Variants in PLIN2 observed in about 807,000 individuals in gnomAD.
The protein encoded by PLIN2 is perilipin-2.
PLIN2 carries 33 observed loss-of-function variants against 30.6 expected under a neutral mutation model. That is an observed-to-expected ratio of 1.08 (90% CI 0.82 to 1.44). The LOEUF (loss-of-function observed/expected upper bound fraction) is 1.44. Among genes scored for constraint, PLIN2 ranks in the 40% most tolerant of loss-of-function variants. PLIN2 has a pLI of 0.00. For synonymous variants in PLIN2, 205 were observed against 201.1 expected (o/e 1.02, Z -0.16); for missense variants, 610 against 531.8 (o/e 1.15, Z -1.45).
At chr9:19,111,585 AT>A (rs1022227573), downstream of PLIN2, among the ~76,000 whole-genome samples, 1 of 148,162 alleles carries the variant, frequency 6.7e-6, no homozygotes, top group Non-Finnish European at 1.5e-5. Context: ...AGTTGACACC[AT>A]TTTTTTTTTC....
At chr9:19,126,546 A>C (rs1274738704) in intron 1 of PLIN2, 98 bp from the exon 2 acceptor site, 2 of 787,842 alleles carry the variant, frequency 2.5e-6, no homozygotes, top group East Asian at 5.0e-5. Flanking sequence ...AGAAAAATGC[A>C]GGGTGAGCTC....
At chr9:19,111,921 T>C (rs1469154275), downstream of PLIN2, among the ~76,000 whole-genome samples, 1 of 152,182 alleles carries the variant, frequency 6.6e-6, no homozygotes, top group African/African-American at 2.4e-5. Flanking sequence ...TTAATACCTA[T>C]AACTGCCTTA....
intron 3 of PLIN2, 175 bp downstream of exon 3, chr9:19,125,936 AAGG>A (rs1301355090): frequency 3.6e-6 from 2 of 551,420 alleles, no homozygotes; most frequent in Non-Finnish European, 3.2e-6. Flanking sequence ...AAAAAAAAAA[AAGG>A]AAAGAAAAGA....
downstream of PLIN2, among the ~76,000 whole-genome samples, chr9:19,112,079 CA>C (rs1471755102): frequency 6.6e-6 from 1 of 152,222 alleles, no homozygotes; most frequent in Non-Finnish European, 1.5e-5. Context: ...CCATCCTCAA[CA>C]CTCACTTCCA....
intron 5 of PLIN2, 39 bp from the exon 6 acceptor site, chr9:19,119,870 C>A: frequency 7.2e-7 from 1 of 1,398,016 alleles, no homozygotes; most frequent in South Asian, 1.3e-5. Context: ...CTTAAGGGAT[C>A]ACAGTGACAA....
At chr9:19,109,719 A>G (rs1422450639) in intron 2 of PLIN2, among the ~76,000 whole-genome samples, 1 of 151,906 alleles carries the variant, frequency 6.6e-6, no homozygotes, top group Non-Finnish European at 1.5e-5. Flanking sequence ...TGTAATCCCA[A>G]CACTTTGGCA....
intron 2 of PLIN2, among the ~76,000 whole-genome samples, chr9:19,110,639 C>G (rs1818148865): frequency 6.6e-6 from 1 of 151,772 alleles, no homozygotes; most frequent in Admixed American, 6.6e-5. Flanking sequence ...CCACACCCGG[C>G]TAATTTTTGT....
intron 4 of PLIN2, among the ~76,000 whole-genome samples, chr9:19,122,030 A>T (rs1818326277): frequency 6.8e-6 from 1 of 147,108 alleles, no homozygotes; most frequent in Non-Finnish European, 1.5e-5. Context: ...AATTGCTTGA[A>T]CCCAGGAGGA....
rs200148784 is a variant in PLIN2, at chr9:19,116,223, G to A, written c.*25C>T. 1 of 1,536,648 alleles carries A rather than the reference G, an allele frequency of 6.5e-7. No homozygotes were observed. The highest frequency in any genetic ancestry group is 2.3e-5 in the East Asian group (1 of 44,162). On this transcript the variant is annotated 3_prime_UTR_variant, in exon 8 of 8. Transcript: ENST00000276914. ...AAAAGGTGTCATCTGTCTGGCCACA[G>A]CATGCACTAGTGATAGGGGCAGGTT... is the stretch of plus-strand genomic sequence containing the variant.
downstream of PLIN2, among the ~76,000 whole-genome samples, chr9:19,111,755 C>A (rs867678126): frequency 6.6e-6 from 1 of 152,052 alleles, no homozygotes; most frequent in Non-Finnish European, 1.5e-5. Context: ...AGCCCTATAT[C>A]TTATATAAAC....
At chr9:19,120,761 G>T in intron 5 of PLIN2, 119 bp downstream of exon 5, 1 of 760,732 alleles carries the variant, frequency 1.3e-6, no homozygotes, top group South Asian at 1.7e-5. Context: ...TCTGAAACTG[G>T]ATTGCAGTGA....
At chr9:19,109,728 C>T (rs773722455) in intron 2 of PLIN2, among the ~76,000 whole-genome samples, 1 of 151,686 alleles carries the variant, frequency 6.6e-6, no homozygotes, top group Admixed American at 6.6e-5. Context: ...AACACTTTGG[C>T]AGGTGGATCA....
In PLIN2 at chr9:19,116,293, G is replaced by C; in HGVS notation, c.1269C>G (p.Asp423Glu). Residue 423 changes from aspartate (D) to glutamate (E), a missense_variant, in exon 8 of 8, where the codon GAC becomes GAG. Asp to Glu is a conservative substitution (Grantham distance 45). Coordinates refer to ENST00000276914, the MANE Select transcript of PLIN2 (RefSeq NM_001122.4). ...ATCGCTGGGTCTCCTGGCTGCTCTTGTCCATCTCTGCACCTTGGTCCTGAG... is the reference window on the plus strand; with the variant it reads ...ATCGCTGGGTCTCCTGGCTGCTCTTCTCCATCTCTGCACCTTGGTCCTGAG... ...QNAQDQGAEM[D>E]KSSQETQRSE... 6.2e-7 allele frequency: 1 copy of C among 1,611,318 alleles called. No homozygotes were observed. The highest frequency in any genetic ancestry group is 8.5e-7 in the Non-Finnish European group (1 of 1,178,700).
chr9:19,113,773 G>GTTT (rs753031655), downstream of PLIN2, among the ~76,000 whole-genome samples: 115 of 143,758 alleles, frequency 8.0e-4, 1 homozygote, highest in Non-Finnish European at 1.1e-3. Flanking sequence ...TGTTATTTTT[G>GTTT]GTTTTTTTTT....
Position 19,123,558 on chromosome 9 carries a change from A to G in PLIN2, c.309+7T>C, listed in dbSNP as rs749044242. On this transcript the variant is annotated splice_region_variant and intron_variant, in intron 4 of 7. Transcript: ENST00000276914. Reference sequence around the variant, plus strand: ...GTCAAGTCTCAGCACTTTTGTCCCAAGCTCACCTGAGTTGATGGCTGATTC... The same window carrying G: ...GTCAAGTCTCAGCACTTTTGTCCCAGGCTCACCTGAGTTGATGGCTGATTC... 4 of 1,614,094 alleles carry G rather than the reference A, an allele frequency of 2.5e-6. No homozygotes were observed. Among genetic ancestry groups the G allele is most frequent in the Non-Finnish European group, 3.4e-6 (4 of 1,180,040 alleles).
intron 4 of PLIN2, 57 bp downstream of exon 4, chr9:19,123,508 G>C: frequency 1.2e-6 from 2 of 1,612,966 alleles, no homozygotes; most frequent in Non-Finnish European, 1.7e-6. Flanking sequence ...TGTTTTAACA[G>C]ATAGAAGATG....
downstream of PLIN2, among the ~76,000 whole-genome samples, chr9:19,113,087 A>C (rs1283139897): frequency 6.6e-6 from 1 of 152,094 alleles, no homozygotes; most frequent in Non-Finnish European, 1.5e-5. Flanking sequence ...TCACGCCTGT[A>C]ATCCCAGCAT....
At position 19,122,271 on chromosome 9, in the gene PLIN2, C is replaced by G. The variant is rs145335199; in HGVS notation, c.310-1106G>C. On this transcript the variant is annotated intron_variant, in intron 4 of 7. Transcript: ENST00000276914. The stretch of plus-strand genomic sequence containing the variant: ...TCTAAAGGCTATACACTAAACCTAC[C>G]TATAGTTGTGTACCACATAATATTT... Among the ~76,000 whole-genome samples, 722 of 152,226 alleles carry G rather than the reference C, an allele frequency of 4.7e-3. 6 individuals are homozygous for G. Among genetic ancestry groups the G allele is most frequent in the African/African-American group, 0.017 (687 of 41,536 alleles).
intron 4 of PLIN2, among the ~76,000 whole-genome samples, chr9:19,121,598 A>C (rs550128584): frequency 6.6e-6 from 1 of 152,094 alleles, no homozygotes; most frequent in African/African-American, 2.4e-5. Flanking sequence ...GAAACTGAAG[A>C]TCAAACTATA....
Sources: gnomAD v4.1 joint callset for allele counts (sites outside exome capture counted in the v4.1 genomes callset) on GRCh38, gnomAD v4.1.1 for gene constraint, MANE v1.5 for transcripts, NCBI Gene and HGNC (gene_info 2026-07-23, HGNC 2026-07-21) for gene names.